SLC4A8: variants seen among roughly 807,000 people sequenced by gnomAD.
SLC4A8 encodes the protein electroneutral sodium bicarbonate exchanger 1.
A neutral mutation model predicts 125.0 loss-of-function variants in SLC4A8; 40 were observed. The observed-to-expected ratio is 0.32, with a 90% CI of 0.25 to 0.42. The LOEUF is 0.42. Among genes scored for constraint, SLC4A8 ranks in the 10% least tolerant of loss-of-function variants. The pLI, the probability that SLC4A8 is intolerant of heterozygous loss-of-function variation, is 1.00. For synonymous variants in SLC4A8, 456 were observed against 476.0 expected, an observed-to-expected ratio of 0.96 and a Z score of 0.55; for missense variants, 863 against 1,355.1, an observed-to-expected ratio of 0.64 and a Z score of 5.70.
chr12:51,451,188 C>T (rs1565785653), intron 3 of SLC4A8, among the ~76,000 whole-genome samples, 166 bp downstream of exon 3: 1 of 152,146 alleles, frequency 6.6e-6, no homozygotes, highest in East Asian at 1.9e-4. Context: ...AAAATATTTT[C>T]GTGAAAACTT....
chr12:51,513,044 G>T lies in SLC4A8; in HGVS notation c.*5606G>T, dbSNP rs1297379370. 6.6e-6 allele frequency: 1 copy of T among 152,232 alleles called. No individual in the cohort carries two copies. Among genetic ancestry groups the T allele is most frequent in the Admixed American group, 6.5e-5 (1 of 15,286 alleles). 9.4% of individuals were successfully genotyped at this position (152,232 alleles called of 1,614,324 possible). The stretch of plus-strand genomic sequence containing the variant: ...TGCCCTGATAAGCTTGTGGTATAGA[G>T]GTAGGAAGGGAGGGAGGCCAGAGAT... On this transcript the variant is annotated 3_prime_UTR_variant, in exon 25 of 25. Transcript: ENST00000453097.
At chr12:51,499,213 T>A (rs1937730115) in intron 22 of SLC4A8, among the ~76,000 whole-genome samples, 1 of 152,144 alleles carries the variant, frequency 6.6e-6, no homozygotes, top group South Asian at 2.1e-4. Flanking sequence ...TATGTGGACG[T>A]GTTTCTGACA....
chr12:51,489,248 G>GA (rs1480539782), intron 18 of SLC4A8, among the ~76,000 whole-genome samples: 2 of 152,138 alleles, frequency 1.3e-5, no homozygotes, highest in African/African-American at 4.8e-5. Context: ...TTTCTAGGCC[G>GA]AAACTGGAAC....
chr12:51,396,337 C>G (rs192145084), intron 1 of SLC4A8, among the ~76,000 whole-genome samples: 81 of 152,234 alleles, frequency 5.3e-4, no homozygotes, highest in African/African-American at 1.9e-3. Flanking sequence ...TCCAGACACC[C>G]ATAGTTTGTC....
intron 1 of SLC4A8, among the ~76,000 whole-genome samples, chr12:51,413,779 G>C (rs1307736159): frequency 6.6e-6 from 1 of 152,094 alleles, no homozygotes; most frequent in Non-Finnish European, 1.5e-5. Context: ...GTTGGTCTGT[G>C]TGTCTGTTTT....
At chr12:51,396,925 A>ATTTTTTTTTTTTTTTTTTTT (rs753146267) in intron 1 of SLC4A8, among the ~76,000 whole-genome samples, 1 of 106,314 alleles carries the variant, frequency 9.4e-6, no homozygotes. Context: ...GCCTTAGTTA[A>ATTTTTTTTTTTTTTTTTTTT]TTTTTTTTTT....
intron 1 of SLC4A8, among the ~76,000 whole-genome samples, chr12:51,426,448 C>T (rs1350056441): frequency 6.6e-6 from 1 of 152,088 alleles, no homozygotes; most frequent in East Asian, 1.9e-4. Flanking sequence ...AAATAAATAT[C>T]ATAAACTGTG....
chr12:51,463,452 TC>T (rs1343306080), intron 10 of SLC4A8, among the ~76,000 whole-genome samples, 161 bp from the exon 11 acceptor site: 2 of 147,196 alleles, frequency 1.4e-5, no homozygotes, highest in African/African-American at 2.5e-5. Flanking sequence ...TGTGTGTGTT[TC>T]GGTAAAGTCA....
chr12:51,425,460 G>A, intron 1 of SLC4A8: 1 of 994,152 alleles, frequency 1.0e-6, no homozygotes, highest in Non-Finnish European at 1.2e-6. Flanking sequence ...GGGGTTTCTG[G>A]TTCCTCAGTG....
At chr12:51,475,585 C>T (rs142471922) in intron 16 of SLC4A8, among the ~76,000 whole-genome samples, 302 of 152,306 alleles carry the variant, frequency 2.0e-3, no homozygotes, top group Non-Finnish European at 3.5e-3. Flanking sequence ...ACCTTGGATA[C>T]TTTAGGGGAC....
intron 1 of SLC4A8, chr12:51,403,161 A>G (rs924957371): frequency 2.6e-6 from 1 of 385,960 alleles, no homozygotes; most frequent in South Asian, 1.8e-5. Context: ...TAAATGCTCT[A>G]TGTTCAACAA....
intron 1 of SLC4A8, among the ~76,000 whole-genome samples, chr12:51,415,965 T>C (rs1339757636): frequency 6.6e-6 from 1 of 151,878 alleles, no homozygotes; most frequent in Admixed American, 6.6e-5. Context: ...TTAATAATTT[T>C]CCCCTTGAAA....
chr12:51,438,824 C>T (rs1949501321), intron 1 of SLC4A8, among the ~76,000 whole-genome samples: 1 of 152,204 alleles, frequency 6.6e-6, no homozygotes. Context: ...GCCATCCTAA[C>T]TGGAGTGAGA....
intron 1 of SLC4A8, among the ~76,000 whole-genome samples, chr12:51,400,235 T>C (rs1038545976): frequency 2.0e-5 from 3 of 152,186 alleles, no homozygotes; most frequent in Non-Finnish European, 4.4e-5. Flanking sequence ...AGAATAACCT[T>C]TTCTTTCTCC....
intron 16 of SLC4A8, among the ~76,000 whole-genome samples, chr12:51,476,495 TAAAA>T (rs1047983173): frequency 7.0e-6 from 1 of 143,546 alleles, no homozygotes; most frequent in Non-Finnish European, 1.5e-5. Flanking sequence ...ATAAAAAAGT[TAAAA>T]AAAAAAAGAG....
chr12:51,413,683 C>T (rs1447549243), intron 1 of SLC4A8, among the ~76,000 whole-genome samples: 1 of 152,198 alleles, frequency 6.6e-6, no homozygotes, highest in Admixed American at 6.6e-5. Flanking sequence ...GTCCTTTCCC[C>T]AGTGCATGTT....
upstream of SLC4A8, among the ~76,000 whole-genome samples, chr12:51,423,620 T>A (rs1381281336): frequency 6.6e-6 from 1 of 152,186 alleles, no homozygotes; most frequent in Non-Finnish European, 1.5e-5. Context: ...AGTTTTAACA[T>A]GTATCAGACT....
intron 1 of SLC4A8, among the ~76,000 whole-genome samples, chr12:51,437,030 A>G (rs1453086413): frequency 3.3e-5 from 5 of 152,232 alleles, no homozygotes; most frequent in Admixed American, 2.6e-4. Flanking sequence ...TAAACTTAAT[A>G]TTATATTTTG....
chr12:51,466,595 A>C (rs79365283), intron 11 of SLC4A8: 2 of 152,324 alleles, frequency 1.3e-5, no homozygotes, highest in East Asian at 3.9e-4. Flanking sequence ...TGTGAAGGGC[A>C]GTGTTGAAAG....
Sources: gnomAD v4.1 joint callset for allele counts (sites outside exome capture counted in the v4.1 genomes callset) on GRCh38, gnomAD v4.1.1 for gene constraint, MANE v1.5 for transcripts, NCBI Gene and HGNC (gene_info 2026-07-23, HGNC 2026-07-21) for gene names.